Variants in WAC observed in about 807,000 individuals in gnomAD.
WAC encodes the protein WW domain containing adaptor with coiled-coil, also known as WW domain-containing adapter protein with coiled-coil.
Under a neutral mutation model 79.6 loss-of-function variants are expected in WAC, and 11 were observed. That is an observed-to-expected ratio of 0.14 (90% confidence interval 0.09 to 0.23). WAC has a LOEUF of 0.23. Among genes scored for constraint, WAC ranks in the 10% least tolerant of loss-of-function variants. The pLI is 1.00. For missense variants in WAC, 728 were observed against 773.5 expected (o/e 0.94, Z 0.70); for synonymous variants, 304 against 276.9 (o/e 1.10, Z -0.97).
intron 9 of WAC, 178 bp downstream of exon 9, chr10:28,610,999 TTTC>T: frequency 4.4e-6 from 3 of 687,360 alleles, no homozygotes; most frequent in Non-Finnish European, 6.7e-6. Context: ...TTTTATTTCC[TTTC>T]TTTTTAGATG....
chr10:28,570,913 T>C (rs1838916489), intron 3 of WAC, among the ~76,000 whole-genome samples: 1 of 151,482 alleles, frequency 6.6e-6, no homozygotes, highest in South Asian at 2.1e-4. Context: ...AGAAAGACTC[T>C]TCTTCTTTAG....
intron 6 of WAC, chr10:28,591,918 T>A (rs1358939410): frequency 6.6e-6 from 1 of 151,904 alleles, no homozygotes; most frequent in African/African-American, 2.4e-5. Context: ...AATTTCAAGA[T>A]GATGTTTTCT....
At position 28,563,568 on chromosome 10, in the gene WAC, G is replaced by GGTTTGTTT. The variant is rs1281807746; in HGVS notation, c.275-19826_275-19819dup. 3.5e-4 allele frequency among the ~76,000 whole-genome samples: 53 copies of GGTTTGTTT among 151,660 alleles called. No homozygotes were observed. The East Asian group carries it at 6.8e-3, about 20-fold the overall frequency. On this transcript the variant is annotated intron_variant, in intron 3 of 13. Coordinates refer to ENST00000354911, the MANE Select transcript of WAC (RefSeq NM_016628.5). ...AACACAAGAGATTTAGTATACAGTG[G>GGTTTGTTT]GTTTGTTTGTTTTTTGTTTTTGTTT...
intron 3 of WAC, among the ~76,000 whole-genome samples, chr10:28,573,476 C>T (rs1366600546): frequency 3.3e-5 from 5 of 152,142 alleles, no homozygotes; most frequent in African/African-American, 7.2e-5. Flanking sequence ...CTTAGGCTTT[C>T]GCTTCCTAGG....
intron 3 of WAC, among the ~76,000 whole-genome samples, chr10:28,573,341 GTC>G (rs1481007511): frequency 6.6e-6 from 1 of 151,784 alleles, no homozygotes; most frequent in Non-Finnish European, 1.5e-5. Context: ...TCTACTTTCT[GTC>G]TCTCTAGATT....
chr10:28,537,113 T>A (rs1836721941), intron 3 of WAC, among the ~76,000 whole-genome samples: 1 of 152,234 alleles, frequency 6.6e-6, no homozygotes, highest in Non-Finnish European at 1.5e-5. Flanking sequence ...TGGGATTGAA[T>A]AATTTGGATG....
At chr10:28,547,713 T>C (rs917304610) in intron 3 of WAC, among the ~76,000 whole-genome samples, 1 of 152,078 alleles carries the variant, frequency 6.6e-6, no homozygotes, top group African/African-American at 2.4e-5. Context: ...CAAACCTGGT[T>C]CTTTTTCATG....
rs1231099639 is a variant in WAC at position 28,623,084 on chromosome 10, T to C, written c.*3478T>C. The C allele has an allele frequency of 1.3e-5, 2 of 152,350 alleles. No individual in the cohort carries two copies. Among genetic ancestry groups the C allele is most frequent in the African/African-American group, 4.8e-5 (2 of 41,574 alleles). 9.4% of individuals were successfully genotyped at this position (152,350 alleles called of 1,614,324 possible). ...TAATTTGCATTTGAGTAAGGAAATT[T>C]AAAATACAGATTACTGCTGAGATTT... On this transcript the variant is annotated 3_prime_UTR_variant, in exon 14 of 14. Transcript: ENST00000354911.
intron 3 of WAC, among the ~76,000 whole-genome samples, chr10:28,574,565 C>T (rs1282474307): frequency 1.3e-5 from 2 of 151,576 alleles, no homozygotes; most frequent in Non-Finnish European, 2.9e-5. Context: ...GTGTCAGCCT[C>T]CTCAGTAGCT....
intron 4 of WAC, among the ~76,000 whole-genome samples, chr10:28,583,759 G>A (rs1046709257): frequency 6.6e-6 from 1 of 152,094 alleles, no homozygotes; most frequent in South Asian, 2.1e-4. Context: ...CCTGTACAAA[G>A]CAATGTTTTT....
intron 6 of WAC, among the ~76,000 whole-genome samples, chr10:28,593,199 T>G (rs1169672113): frequency 1.3e-5 from 2 of 152,174 alleles, no homozygotes; most frequent in Admixed American, 6.5e-5. Flanking sequence ...TTTAAAAAAT[T>G]GGTCAACTTA....
At chr10:28,546,840 C>G (rs1837372135) in intron 3 of WAC, among the ~76,000 whole-genome samples, 1 of 150,606 alleles carries the variant, frequency 6.6e-6, no homozygotes, top group South Asian at 2.1e-4. Flanking sequence ...TTATTCAAGC[C>G]TAAATGTAAT....
At position 28,619,731 on chromosome 10, in the gene WAC, G is replaced by A; in HGVS notation, c.*125G>A. The stretch of plus-strand genomic sequence containing the variant: ...AAGCTGGGCAAAGGAAATGACAAGG[G>A]GACGGGGTCTGTGAGAGTCAATTCA... On this transcript the variant is annotated 3_prime_UTR_variant, in exon 14 of 14. Coordinates refer to ENST00000354911, the MANE Select transcript of WAC (RefSeq NM_016628.5). 1.5e-6 allele frequency: 1 copy of A among 675,500 alleles called. No homozygotes were observed. The highest frequency in any genetic ancestry group is 3.2e-5 in the East Asian group (1 of 31,064). The allele number at this position is 675,500 out of a possible 1,614,324, so 41.8% of individuals were successfully genotyped here. A position where few individuals can be genotyped will look rare whatever the true frequency, so the allele number is the denominator to read the frequency against.
intron 3 of WAC, among the ~76,000 whole-genome samples, chr10:28,545,980 A>G (rs1837330370): frequency 6.6e-6 from 1 of 152,240 alleles, no homozygotes; most frequent in African/African-American, 2.4e-5. Flanking sequence ...CCAAGTTAGT[A>G]GAGTATACTT....
intron 7 of WAC, among the ~76,000 whole-genome samples, chr10:28,596,375 A>G (rs1024312160): frequency 7.2e-5 from 11 of 152,164 alleles, no homozygotes; most frequent in Non-Finnish European, 4.4e-5. Context: ...TTTAGTTTAT[A>G]AATCGTCTCA....
chr10:28,555,422 A>G (rs1837927604), intron 3 of WAC, among the ~76,000 whole-genome samples: 1 of 114,938 alleles, frequency 8.7e-6, no homozygotes, highest in Admixed American at 1.0e-4. Context: ...ACTTGTTTAA[A>G]GCACAGTAAG....
Position 28,608,327 on chromosome 10 carries a change from C to T in WAC, c.1061C>T (p.Pro354Leu), listed in dbSNP as rs1268403372. ...PVSPVPQSPI[P>L]PLLQDPNLLR... ...TCTCCTGTTCCACAGTCGCCAATAC[C>T]TCCCTTACTTCAGGACCCAAATCTT... Residue 354 changes from proline (P) to leucine (L), a missense_variant, in exon 8 of 14, where the codon CCT becomes CTT. Transcript: ENST00000354911. 1.2e-6 allele frequency: 2 copies of T among 1,614,064 alleles called. No homozygotes were observed. Among genetic ancestry groups the T allele is most frequent in the African/African-American group, 1.3e-5 (1 of 74,938 alleles).
In WAC at chr10:28,595,837, A is replaced by C. The variant is rs1273963434; in HGVS notation, c.715A>C (p.Thr239Pro). 6.2e-7 allele frequency: 1 copy of C among 1,614,034 alleles called. No individual in the cohort carries two copies. Among genetic ancestry groups the C allele is most frequent in the Admixed American group, 1.7e-5 (1 of 59,996 alleles). The change falls in exon 7 of 14, where the codon ACT becomes CCT. Residue 239 changes from threonine to proline, a missense_variant. Physicochemically the swap from Thr to Pro is conservative, Grantham distance 38 (BLOSUM62 -1). Coordinates refer to ENST00000354911, the MANE Select transcript of WAC (RefSeq NM_016628.5). ...AGACTACAGACTGCCAAGAGCAGAG[A>C]CTCACAGTAGTTCTACGCCAGTACA... ...DRDYRLPRAE[T>P]HSSSTPVQHP...
chr10:28,575,243 A>G (rs139753690), intron 3 of WAC, among the ~76,000 whole-genome samples: 4 of 151,916 alleles, frequency 2.6e-5, no homozygotes, highest in African/African-American at 9.7e-5. Context: ...TAGTTTTTCA[A>G]CCCTTATCTC....
Sources: allele counts gnomAD v4.1 joint callset (sites outside exome capture counted in the v4.1 genomes callset), GRCh38; gene constraint gnomAD v4.1.1; transcripts MANE v1.5; gene names NCBI Gene and HGNC (gene_info 2026-07-23, HGNC 2026-07-21).